ZNF804A: variants seen among roughly 807,000 people sequenced by gnomAD.
ZNF804A encodes the protein zinc finger protein 804A.
ZNF804A carries 2 observed loss-of-function variants against 16.5 expected under a neutral mutation model. The ratio of observed to expected loss-of-function variants is 0.12; its 90% CI spans 0.05 to 0.38. The LOEUF (loss-of-function observed/expected upper bound fraction) is 0.38. ZNF804A is among the 10% of genes least tolerant of loss of function. ZNF804A has a pLI of 0.99. For synonymous variants in ZNF804A, 534 were observed against 489.6 expected (o/e 1.09, Z -1.20); for missense variants, 1,473 against 1,390.7 (o/e 1.06, Z -0.94).
At chr2:184,935,190 A>T (rs1452560776) in intron 3 of ZNF804A, among the ~76,000 whole-genome samples, 1 of 152,106 alleles carries the variant, frequency 6.6e-6, no homozygotes, top group Non-Finnish European at 1.5e-5. Flanking sequence ...GTATAACTTC[A>T]GGATAATTTT....
chr2:184,785,493 A>G lies in ZNF804A; in HGVS notation c.112-80876A>G, dbSNP rs370776938. ...GGTTTTCCTGATATTATGGAGGTGT[A>G]ATGGTTATTAATATTTTTAAGTTTT... is the stretch of plus-strand genomic sequence containing the variant. On this transcript the variant is annotated intron_variant, in intron 1 of 3. Coordinates refer to ENST00000302277, the MANE Select transcript of ZNF804A (RefSeq NM_194250.2). Among the ~76,000 whole-genome samples, 107 of 152,040 alleles carry G rather than the reference A, an allele frequency of 7.0e-4. No homozygotes were observed. The South Asian group carries it at 0.022, about 31-fold the overall frequency.
chr2:184,771,556 G>A (rs537292355), intron 1 of ZNF804A, among the ~76,000 whole-genome samples: 33 of 151,520 alleles, frequency 2.2e-4, no homozygotes, highest in Non-Finnish European at 3.5e-4. Context: ...AGACCATCCT[G>A]GGCAATATAG....
chr2:184,801,406 A>G (rs1558965614), intron 1 of ZNF804A, among the ~76,000 whole-genome samples: 1 of 151,994 alleles, frequency 6.6e-6, no homozygotes, highest in Non-Finnish European at 1.5e-5. Flanking sequence ...TCTTTATTCT[A>G]TGTCTGGATT....
intron 1 of ZNF804A, among the ~76,000 whole-genome samples, chr2:184,666,254 A>G (rs963731509): frequency 2.0e-5 from 3 of 152,156 alleles, no homozygotes; most frequent in Non-Finnish European, 1.5e-5. Flanking sequence ...TTAATATCGT[A>G]TATCATATTT....
At chr2:184,849,134 T>A (rs1695564856) in intron 1 of ZNF804A, among the ~76,000 whole-genome samples, 1 of 152,008 alleles carries the variant, frequency 6.6e-6, no homozygotes, top group Non-Finnish European at 1.5e-5. Flanking sequence ...GCCTGTGAAA[T>A]AAAAGAGAAA....
intron 1 of ZNF804A, among the ~76,000 whole-genome samples, chr2:184,753,153 G>A (rs555773344): frequency 2.0e-5 from 3 of 151,606 alleles, no homozygotes; most frequent in East Asian, 1.9e-4. Context: ...ATTTGTTGGG[G>A]TTTTATATTT....
chr2:184,621,310 T>C (rs1691414972), intron 1 of ZNF804A, among the ~76,000 whole-genome samples: 1 of 151,734 alleles, frequency 6.6e-6, no homozygotes, highest in African/African-American at 2.4e-5. Flanking sequence ...TACATTTGCA[T>C]GTTGATCCCA....
At chr2:184,861,702 G>A (rs1392237208) in intron 1 of ZNF804A, among the ~76,000 whole-genome samples, 1 of 152,120 alleles carries the variant, frequency 6.6e-6, no homozygotes, top group African/African-American at 2.4e-5. Context: ...CTATGATGAG[G>A]CTACTATGAA....
In ZNF804A at chr2:184,935,949, G is replaced by A. The variant is rs778082330; in HGVS notation, c.553G>A (p.Glu185Lys). The change falls in exon 4 of 4, where the codon GAA (glutamate) becomes AAA (lysine). Residue 185 changes from glutamate to lysine, a missense_variant. By Grantham distance (56) the Glu-to-Lys change is moderately conservative. Coordinates refer to ENST00000302277, the MANE Select transcript of ZNF804A (RefSeq NM_194250.2). ...TACTAAAGATGCTACCACTGTTGCT[G>A]AAGATCCAGAAAGTGCAAATAATTA... is the stretch of plus-strand genomic sequence containing the variant. ...ENTKDATTVA[E>K]DPESANNYTA... 1.2e-6 allele frequency: 2 copies of A among 1,613,942 alleles called. No individual in the cohort carries two copies. Among genetic ancestry groups the A allele is most frequent in the South Asian group, 2.2e-5 (2 of 91,076 alleles).
intron 1 of ZNF804A, among the ~76,000 whole-genome samples, chr2:184,670,519 A>G (rs1692324959): frequency 6.6e-6 from 1 of 152,062 alleles, no homozygotes; most frequent in Admixed American, 6.6e-5. Flanking sequence ...TAGTTCTTGG[A>G]TTCCCTATTT....
At chr2:184,746,689 T>C (rs2105755828) in intron 1 of ZNF804A, among the ~76,000 whole-genome samples, 1 of 151,290 alleles carries the variant, frequency 6.6e-6, no homozygotes, top group East Asian at 1.9e-4. Flanking sequence ...ATCCCCACTT[T>C]CCCCCTCCCC....
At chr2:184,827,784 GA>G (rs535452574) in intron 1 of ZNF804A, among the ~76,000 whole-genome samples, 1,710 of 151,588 alleles carry the variant, frequency 0.011, 20 homozygotes, top group Non-Finnish European at 0.021. Flanking sequence ...TTCATTTTAT[GA>G]AAATCTTACA....
chr2:184,713,058 A>C (rs1693154315), intron 1 of ZNF804A, among the ~76,000 whole-genome samples: 1 of 151,636 alleles, frequency 6.6e-6, no homozygotes, highest in Non-Finnish European at 1.5e-5. Context: ...TTTTTAATTG[A>C]GTCATGTTTC....
intron 2 of ZNF804A, among the ~76,000 whole-genome samples, chr2:184,891,257 A>G (rs1359083584): frequency 1.3e-5 from 2 of 152,146 alleles, no homozygotes; most frequent in African/African-American, 2.4e-5. Context: ...TTTCTAAAAT[A>G]TGGTTAAATA....
rs1690995653 is a variant in ZNF804A at position 184,598,832 on chromosome 2, G to T, written c.-128G>T. 1.2e-5 allele frequency: 6 copies of T among 491,404 alleles called. No individual in the cohort carries two copies. The highest frequency in any genetic ancestry group is 2.1e-5 in the Non-Finnish European group (6 of 290,602). 30.4% of individuals were successfully genotyped at this position (491,404 alleles called of 1,614,324 possible). A position where few individuals can be genotyped will look rare whatever the true frequency, so the allele number is the denominator to read the frequency against. ...TGCAGTGAGCCAGTCTCCAGAGGAC[G>T]TGCCGGGGGTGGCTGCGTGCCCTCG... On this transcript the variant is annotated 5_prime_UTR_variant, in exon 1 of 4. Transcript: ENST00000302277.
At chr2:184,757,886 C>A (rs1693982974) in intron 1 of ZNF804A, among the ~76,000 whole-genome samples, 1 of 151,898 alleles carries the variant, frequency 6.6e-6, no homozygotes, top group South Asian at 2.1e-4. Context: ...ACATTTCAGT[C>A]TTTTCCTGTT....
chr2:184,646,935 C>T (rs1691886309), intron 1 of ZNF804A, among the ~76,000 whole-genome samples: 1 of 152,158 alleles, frequency 6.6e-6, no homozygotes, highest in South Asian at 2.1e-4. Flanking sequence ...GGAGCTCAGA[C>T]CACTGTGCAT....
chr2:184,639,156 C>G (rs546991135), intron 1 of ZNF804A, among the ~76,000 whole-genome samples: 11 of 150,378 alleles, frequency 7.3e-5, no homozygotes, highest in Non-Finnish European at 1.5e-4. Flanking sequence ...TCACTGCAAC[C>G]TCTGCCTCCA....
At chr2:184,601,518 T>C (rs961836323) in intron 1 of ZNF804A, among the ~76,000 whole-genome samples, 27 of 152,164 alleles carry the variant, frequency 1.8e-4, no homozygotes, top group Admixed American at 1.3e-4. Context: ...TAAGAATTTA[T>C]GCTTATCATG....
Sources: gnomAD v4.1 joint callset for allele counts (sites outside exome capture counted in the v4.1 genomes callset) on GRCh38, gnomAD v4.1.1 for gene constraint, MANE v1.5 for transcripts, NCBI Gene and HGNC (gene_info 2026-07-23, HGNC 2026-07-21) for gene names.